Variants in RTL4 observed in about 807,000 individuals in gnomAD.
RTL4 encodes the protein retrotransposon Gag-like protein 4.
A neutral mutation model predicts 5.3 loss-of-function variants in RTL4; 4 were observed. That is an observed-to-expected ratio of 0.75 (90% CI 0.37 to 1.72). The LOEUF (loss-of-function observed/expected upper bound fraction) is 1.72, where lower values mean the gene tolerates loss of function less well. RTL4 is among the 40% of genes most tolerant of loss of function. RTL4 has a pLI of 0.04. For synonymous variants in RTL4, 98 were observed against 87.3 expected, an observed-to-expected ratio of 1.12 and a Z score of -0.68; for missense variants, 260 against 227.1, an observed-to-expected ratio of 1.14 and a Z score of -0.93.
the RTL4 span, among the ~76,000 whole-genome samples, chrX:112,347,453 C>A: frequency 9.0e-6 from 1 of 111,150 alleles, no homozygotes; most frequent in Non-Finnish European, 1.9e-5. Flanking sequence ...AGAGAACGTA[C>A]GCAAAGATAG....
the RTL4 span, among the ~76,000 whole-genome samples, chrX:112,300,476 C>A: frequency 7.1e-5 from 8 of 112,147 alleles, no homozygotes; most frequent in African/African-American, 2.3e-4. Flanking sequence ...TTAACTGTGT[C>A]TTTTTACAGG....
At chrX:112,103,627 A>G in the RTL4 span, among the ~76,000 whole-genome samples, 5 of 111,249 alleles carry the variant, frequency 4.5e-5, no homozygotes, top group Non-Finnish European at 5.7e-5. Context: ...ATGAATATGG[A>G]TTTAAAATTC....
the RTL4 span, among the ~76,000 whole-genome samples, chrX:112,242,436 G>C: frequency 9.0e-6 from 1 of 111,198 alleles, no homozygotes; most frequent in Admixed American, 9.6e-5. Flanking sequence ...GGATTCCTAG[G>C]TATTTTATTC....
the RTL4 span, among the ~76,000 whole-genome samples, chrX:112,420,983 G>T: frequency 9.0e-6 from 1 of 111,164 alleles, no homozygotes; most frequent in African/African-American, 3.3e-5. Flanking sequence ...CTACTGTAAG[G>T]CTTTCACCTT....
chrX:112,215,500 A>G, the RTL4 span, among the ~76,000 whole-genome samples: 1 of 112,007 alleles, frequency 8.9e-6, no homozygotes, highest in Non-Finnish European at 1.9e-5. Context: ...ACTCTTTATT[A>G]TCAATTTGAC....
At chrX:112,247,263 C>CA in the RTL4 span, among the ~76,000 whole-genome samples, 1 of 111,114 alleles carries the variant, frequency 9.0e-6, no homozygotes, top group African/African-American at 3.3e-5. Context: ...TTATCCCCTC[C>CA]AAAAAAAGGT....
chrX:112,245,002 T>C, the RTL4 span, among the ~76,000 whole-genome samples: 1 of 112,282 alleles, frequency 8.9e-6, no homozygotes, highest in African/African-American at 3.2e-5. Flanking sequence ...TTCTTTTCTT[T>C]AAGAATGTTG....
chrX:112,152,430 T>C, the RTL4 span, among the ~76,000 whole-genome samples: 1 of 111,800 alleles, frequency 8.9e-6, no homozygotes, highest in Non-Finnish European at 1.9e-5. Context: ...GTAACCTCTA[T>C]AATGGTGGAC....
At chrX:112,227,245 T>C in the RTL4 span, among the ~76,000 whole-genome samples, 1 of 111,434 alleles carries the variant, frequency 9.0e-6, no homozygotes, top group Non-Finnish European at 1.9e-5. Flanking sequence ...TACCTCACCT[T>C]CTTTTTGGCT....
chrX:112,174,507 G>C, the RTL4 span, among the ~76,000 whole-genome samples: 3 of 106,613 alleles, frequency 2.8e-5, no homozygotes, highest in Admixed American at 1.0e-4. Context: ...TTGGTTCCAA[G>C]TCTTTGCTAT....
the RTL4 span, among the ~76,000 whole-genome samples, chrX:112,222,052 G>T: frequency 8.9e-6 from 1 of 111,895 alleles, no homozygotes; most frequent in Non-Finnish European, 1.9e-5. Flanking sequence ...TCAGTATGAA[G>T]GGTAAGTTCT....
chrX:112,202,655 G>A, the RTL4 span, among the ~76,000 whole-genome samples: 1 of 107,904 alleles, frequency 9.3e-6, no homozygotes. Context: ...CCGCCTCCTG[G>A]GTTCAAGCGA....
chrX:112,384,643 G>T, the RTL4 span, among the ~76,000 whole-genome samples: 1 of 111,763 alleles, frequency 8.9e-6, no homozygotes, highest in Admixed American at 9.5e-5. Context: ...TAGGTAGTGT[G>T]ATGCCTCCAG....
exon 1 of RTL4, chrX:112,455,469 C>T (rs774171691): frequency 8.3e-7 from 1 of 1,211,161 alleles, no homozygotes; most frequent in South Asian, 1.8e-5. Flanking sequence ...TCTTTAGCCC[C>T]ACAGATCCAC....
chrX:112,201,519 T>C, the RTL4 span, among the ~76,000 whole-genome samples: 1 of 110,791 alleles, frequency 9.0e-6, no homozygotes. Flanking sequence ...ATGGTTATAG[T>C]GCACTTGAAA....
chrX:112,381,319 A>G, the RTL4 span: 9 of 1,210,571 alleles, frequency 7.4e-6, no homozygotes. Context: ...ATCATAGTCT[A>G]ATAAATAATT....
At chrX:112,099,413 G>T in the RTL4 span, among the ~76,000 whole-genome samples, 1 of 111,482 alleles carries the variant, frequency 9.0e-6, no homozygotes, top group Non-Finnish European at 1.9e-5. Flanking sequence ...TCATGGAATA[G>T]GTGAAATTTT....
At chrX:112,165,480 A>G in the RTL4 span, among the ~76,000 whole-genome samples, 1 of 111,055 alleles carries the variant, frequency 9.0e-6, no homozygotes, top group Admixed American at 9.6e-5. Flanking sequence ...AATCCTGGGG[A>G]ATTGGAATAA....
the RTL4 span, among the ~76,000 whole-genome samples, chrX:112,331,851 C>T: frequency 1.1e-5 from 1 of 93,613 alleles, no homozygotes; most frequent in Non-Finnish European, 2.1e-5. Flanking sequence ...AGTTCATGTC[C>T]TTTGTAGGGA....
Sources: gnomAD v4.1 joint callset for allele counts (sites outside exome capture counted in the v4.1 genomes callset) on GRCh38, gnomAD v4.1.1 for gene constraint, MANE v1.5 for transcripts, NCBI Gene and HGNC (gene_info 2026-07-23, HGNC 2026-07-21) for gene names.